The following SPMIP7 variants were observed in gnomAD, a reference collection of about 807,000 sequenced individuals.
SPMIP7 encodes sperm microtubule inner protein 7, also known as protein SPMIP7.
At chr7:50,109,852 G>A in the SPMIP7 span, among the ~76,000 whole-genome samples, 1 of 152,160 alleles carries the variant, frequency 6.6e-6, no homozygotes, top group Non-Finnish European at 1.5e-5. Context: ...ATTACTGATA[G>A]ATACAGCACT....
At chr7:50,158,921 T>G in the SPMIP7 span, 1 of 921,014 alleles carries the variant, frequency 1.1e-6, no homozygotes, top group Non-Finnish European at 1.6e-6. Flanking sequence ...TCATCCTCGC[T>G]CCCTGCCTGC....
At chr7:50,098,935 G>A in the SPMIP7 span, among the ~76,000 whole-genome samples, 3 of 152,030 alleles carry the variant, frequency 2.0e-5, no homozygotes, top group Non-Finnish European at 2.9e-5. Flanking sequence ...CCATCTCTGG[G>A]ATTCACTTCA....
chr7:50,150,218 C>G, the SPMIP7 span, among the ~76,000 whole-genome samples: 2 of 152,160 alleles, frequency 1.3e-5, no homozygotes, highest in Non-Finnish European at 2.9e-5. Flanking sequence ...AACCATTCCT[C>G]CACCACCCAC....
the SPMIP7 span, among the ~76,000 whole-genome samples, chr7:50,144,990 G>A: frequency 1.3e-5 from 2 of 151,826 alleles, no homozygotes; most frequent in East Asian, 1.9e-4. Context: ...GGCCTGGCAC[G>A]GTGGCTCACA....
At chr7:50,130,462 T>A in the SPMIP7 span, among the ~76,000 whole-genome samples, 1 of 152,080 alleles carries the variant, frequency 6.6e-6, no homozygotes, top group Non-Finnish European at 1.5e-5. Context: ...ACTGCCCCCA[T>A]GATTCAATTA....
chr7:50,107,186 T>C, the SPMIP7 span, among the ~76,000 whole-genome samples: 1 of 151,800 alleles, frequency 6.6e-6, no homozygotes, highest in East Asian at 1.9e-4. Flanking sequence ...CAAAACCCCA[T>C]TTCTATTAAA....
the SPMIP7 span, among the ~76,000 whole-genome samples, chr7:50,103,351 C>T: frequency 6.6e-6 from 1 of 152,086 alleles, no homozygotes; most frequent in African/African-American, 2.4e-5. Context: ...AGAGGCACCC[C>T]AATTATCTTC....
At chr7:50,122,047 A>C in the SPMIP7 span, among the ~76,000 whole-genome samples, 1 of 152,186 alleles carries the variant, frequency 6.6e-6, no homozygotes. Flanking sequence ...ATGATTTAAA[A>C]AATTCAAGTA....
the SPMIP7 span, among the ~76,000 whole-genome samples, chr7:50,119,659 C>T: frequency 1.3e-5 from 2 of 152,214 alleles, no homozygotes; most frequent in Admixed American, 6.5e-5. Flanking sequence ...CTGCTACTTG[C>T]TTTCCTATGC....
At chr7:50,143,824 T>A in the SPMIP7 span, among the ~76,000 whole-genome samples, 1 of 152,242 alleles carries the variant, frequency 6.6e-6, no homozygotes, top group South Asian at 2.1e-4. Context: ...CTTGCTTTTG[T>A]ATATTTACAT....
At chr7:50,096,273 C>T in the SPMIP7 span, 3 of 1,551,718 alleles carry the variant, frequency 1.9e-6, no homozygotes, top group East Asian at 2.4e-5. Flanking sequence ...TGCAACCCTG[C>T]TTTTCTTAAA....
At chr7:50,108,954 A>G in the SPMIP7 span, among the ~76,000 whole-genome samples, 6 of 152,208 alleles carry the variant, frequency 3.9e-5, no homozygotes, top group African/African-American at 1.4e-4. Context: ...TAGACAGGTC[A>G]TATCATAGCT....
At chr7:50,146,833 C>T in the SPMIP7 span, among the ~76,000 whole-genome samples, 50 of 152,346 alleles carry the variant, frequency 3.3e-4, no homozygotes, top group African/African-American at 1.1e-3. Context: ...CCATGACCTG[C>T]TGCTCCTCTC....
chr7:50,147,592 A>G, the SPMIP7 span, among the ~76,000 whole-genome samples: 1 of 152,264 alleles, frequency 6.6e-6, no homozygotes, highest in Non-Finnish European at 1.5e-5. Context: ...AATTTTATGC[A>G]CATATACAAT....
the SPMIP7 span, among the ~76,000 whole-genome samples, chr7:50,157,162 G>T: frequency 1.3e-5 from 2 of 152,170 alleles, no homozygotes; most frequent in Non-Finnish European, 2.9e-5. Flanking sequence ...TAAGTTGTTT[G>T]AGCCTCAAAT....
chr7:50,141,444 G>A, the SPMIP7 span: 40 of 1,078,874 alleles, frequency 3.7e-5, no homozygotes, highest in Admixed American at 7.8e-4. Context: ...GAAACATGAT[G>A]ATGGACTTTA....
chr7:50,147,759 T>C, the SPMIP7 span, among the ~76,000 whole-genome samples: 1 of 152,240 alleles, frequency 6.6e-6, no homozygotes, highest in Non-Finnish European at 1.5e-5. Context: ...AACCAATTCA[T>C]TGTAGACTTG....
chr7:50,129,477 C>G, the SPMIP7 span, among the ~76,000 whole-genome samples: 1 of 151,940 alleles, frequency 6.6e-6, no homozygotes, highest in Non-Finnish European at 1.5e-5. Flanking sequence ...CTCTTAAGTT[C>G]TCACTTTCCA....
At chr7:50,117,041 G>A in the SPMIP7 span, among the ~76,000 whole-genome samples, 1 of 152,220 alleles carries the variant, frequency 6.6e-6, no homozygotes, top group South Asian at 2.1e-4. Context: ...ACAGATTCTG[G>A]GTCCCACATT....
Sources: allele counts gnomAD v4.1 joint callset (sites outside exome capture counted in the v4.1 genomes callset), GRCh38; gene constraint gnomAD v4.1.1; transcripts MANE v1.5; gene names NCBI Gene and HGNC (gene_info 2026-07-23, HGNC 2026-07-21).